The following PAK1 variants were observed in gnomAD, a reference collection of about 807,000 sequenced individuals.
PAK1 encodes the protein serine/threonine-protein kinase PAK 1.
Under a neutral mutation model 67.4 loss-of-function variants are expected in PAK1, and 29 were observed. The ratio of observed to expected loss-of-function variants is 0.43; its 90% CI spans 0.32 to 0.59. The LOEUF (loss-of-function observed/expected upper bound fraction) is 0.59. PAK1 is among the 20% of genes least tolerant of loss of function. The pLI, the probability that PAK1 is intolerant of heterozygous loss-of-function variation, is 0.07. For synonymous variants in PAK1, 223 were observed against 237.4 expected (o/e 0.94, Z 0.56); for missense variants, 337 against 670.7 (o/e 0.50, Z 5.50).
At chr11:77,481,337 T>C in the PAK1 span, among the ~76,000 whole-genome samples, 1 of 152,188 alleles carries the variant, frequency 6.6e-6, no homozygotes, top group Non-Finnish European at 1.5e-5. Context: ...TATGTGGTGA[T>C]TCTCTGTTGT....
intron 1 of PAK1, among the ~76,000 whole-genome samples, chr11:77,451,312 C>A (rs1057285765): frequency 1.3e-5 from 2 of 152,178 alleles, no homozygotes; most frequent in African/African-American, 4.8e-5. Flanking sequence ...TCCTTATTCC[C>A]AGAGGAAAGC....
intron 1 of PAK1, among the ~76,000 whole-genome samples, chr11:77,393,734 G>A (rs1181873293): frequency 6.6e-6 from 1 of 152,212 alleles, no homozygotes; most frequent in African/African-American, 2.4e-5. Flanking sequence ...CAAGCGCGGT[G>A]GCTCATGCCT....
At chr11:77,430,452 C>T (rs1472392991) in intron 1 of PAK1, among the ~76,000 whole-genome samples, 3 of 152,202 alleles carry the variant, frequency 2.0e-5, no homozygotes, top group Non-Finnish European at 4.4e-5. Flanking sequence ...TAGTCTCAGA[C>T]CTACTGTCTC....
the PAK1 span, among the ~76,000 whole-genome samples, chr11:77,515,445 A>G: frequency 8.0e-4 from 122 of 152,340 alleles, 1 homozygote; most frequent in South Asian, 3.3e-3. Flanking sequence ...AACCCCGTGC[A>G]TGATTTGGTT....
intron 2 of PAK1, among the ~76,000 whole-genome samples, chr11:77,388,202 T>A (rs1950685697): frequency 6.6e-6 from 1 of 151,848 alleles, no homozygotes; most frequent in African/African-American, 2.4e-5. Flanking sequence ...AGATTTAGCC[T>A]AAGGTTACTT....
At chr11:77,520,005 C>G in the PAK1 span, among the ~76,000 whole-genome samples, 3 of 151,932 alleles carry the variant, frequency 2.0e-5, no homozygotes, top group Admixed American at 6.5e-5. Flanking sequence ...GCCTGTGGCC[C>G]CCCCCTCCGC....
chr11:77,331,170 C>T (rs1324733631), intron 14 of PAK1, among the ~76,000 whole-genome samples: 1 of 152,196 alleles, frequency 6.6e-6, no homozygotes, highest in South Asian at 2.1e-4. Context: ...AATACGAACA[C>T]TTTTACACTG....
chr11:77,420,432 G>A (rs1391998439), intron 1 of PAK1, among the ~76,000 whole-genome samples: 1 of 152,182 alleles, frequency 6.6e-6, no homozygotes, highest in Non-Finnish European at 1.5e-5. Context: ...AGACAAAGCT[G>A]TGCCACTGAC....
chr11:77,510,222 C>T, the PAK1 span, among the ~76,000 whole-genome samples: 1 of 152,146 alleles, frequency 6.6e-6, no homozygotes, highest in Non-Finnish European at 1.5e-5. Flanking sequence ...CTTTGTGATT[C>T]ACTTATGACT....
At chr11:77,353,240 C>T (rs891419568) in intron 8 of PAK1, 10 of 303,554 alleles carry the variant, frequency 3.3e-5, no homozygotes, top group African/African-American at 1.1e-4. Flanking sequence ...AGGGTTCATC[C>T]GGAAAAGCAG....
intron 5 of PAK1, among the ~76,000 whole-genome samples, chr11:77,365,590 T>C (rs971255595): frequency 1.9e-4 from 29 of 152,226 alleles, no homozygotes; most frequent in Non-Finnish European, 2.6e-4. Context: ...CCCAGCACTT[T>C]GGGAGGCTGA....
chr11:77,515,239 G>A, the PAK1 span, among the ~76,000 whole-genome samples: 1 of 152,208 alleles, frequency 6.6e-6, no homozygotes, highest in Non-Finnish European at 1.5e-5. Flanking sequence ...CTCCTGGTAA[G>A]CAGATAATTC....
chr11:77,505,030 C>A, the PAK1 span, among the ~76,000 whole-genome samples: 2 of 152,228 alleles, frequency 1.3e-5, no homozygotes, highest in African/African-American at 4.8e-5. Flanking sequence ...ATGAGAACCA[C>A]AAGGCTAAAA....
the PAK1 span, among the ~76,000 whole-genome samples, chr11:77,499,795 G>GCACA: frequency 1.3e-5 from 2 of 151,394 alleles, no homozygotes; most frequent in Non-Finnish European, 3.0e-5. Flanking sequence ...TGCTGACACT[G>GCACA]CACACACACA....
chr11:77,468,395 T>C (rs1013773711), intron 1 of PAK1, among the ~76,000 whole-genome samples: 3 of 152,174 alleles, frequency 2.0e-5, no homozygotes, highest in Non-Finnish European at 4.4e-5. Context: ...GCCTAGCATA[T>C]ACATGACTTT....
intron 5 of PAK1, among the ~76,000 whole-genome samples, chr11:77,364,190 C>A (rs569528381): frequency 1.3e-5 from 2 of 152,174 alleles, no homozygotes; most frequent in Non-Finnish European, 2.9e-5. Flanking sequence ...ACATGCCTGG[C>A]TATGTGCATA....
At chr11:77,448,776 T>C (rs1201573445) in intron 1 of PAK1, among the ~76,000 whole-genome samples, 1 of 152,206 alleles carries the variant, frequency 6.6e-6, no homozygotes, top group African/African-American at 2.4e-5. Context: ...GGACTACCCA[T>C]GGGAAGTTTT....
At chr11:77,366,822 A>G (rs779909464) in intron 5 of PAK1, among the ~76,000 whole-genome samples, 42 of 152,232 alleles carry the variant, frequency 2.8e-4, no homozygotes, top group Non-Finnish European at 8.8e-5. Context: ...AAAGTTAACC[A>G]CATGCCCCAG....
At chr11:77,424,253 A>T (rs1323422711) in intron 1 of PAK1, among the ~76,000 whole-genome samples, 1 of 152,156 alleles carries the variant, frequency 6.6e-6, no homozygotes, top group African/African-American at 2.4e-5. Flanking sequence ...CAGAAAAAGA[A>T]AGTTAGTTTC....
Sources: allele counts gnomAD v4.1 joint callset (sites outside exome capture counted in the v4.1 genomes callset), GRCh38; gene constraint gnomAD v4.1.1; transcripts MANE v1.5; gene names NCBI Gene and HGNC (gene_info 2026-07-23, HGNC 2026-07-21).